Variants in GNE observed in about 807,000 individuals in gnomAD.
The protein encoded by GNE is glucosamine (UDP-N-acetyl)-2-epimerase/N-acetylmannosamine kinase.
GNE carries 41 observed loss-of-function variants against 61.8 expected under a neutral mutation model. The observed-to-expected ratio is 0.66, with a 90% CI of 0.52 to 0.86. The LOEUF (loss-of-function observed/expected upper bound fraction) is 0.86, where lower values mean the gene tolerates loss of function less well. GNE is among the 40% of genes least tolerant of loss of function. The probability of loss-of-function intolerance (pLI) is 0.00; values close to 1 mark genes in which losing one functional copy is unlikely to be tolerated. For synonymous variants in GNE, 264 were observed against 326.4 expected (o/e 0.81, Z 2.06); for missense variants, 608 against 909.1 (o/e 0.67, Z 4.26).
At chr9:36,232,345 C>CCCCCCCA (rs1554660756) in intron 5 of GNE, among the ~76,000 whole-genome samples, 2 of 126,388 alleles carry the variant, frequency 1.6e-5, no homozygotes, top group Non-Finnish European at 3.3e-5. Context: ...CGCCCCCCCT[C>CCCCCCCA]CCGACATTCC....
At chr9:36,231,704 A>G (rs1220599810) in intron 5 of GNE, among the ~76,000 whole-genome samples, 1 of 152,216 alleles carries the variant, frequency 6.6e-6, no homozygotes, top group African/African-American at 2.4e-5. Context: ...CCATCCACTG[A>G]GAAAGAAAGA....
chr9:36,242,183 C>T (rs1829658124), intron 3 of GNE, among the ~76,000 whole-genome samples: 2 of 151,184 alleles, frequency 1.3e-5, no homozygotes, highest in South Asian at 4.2e-4. Flanking sequence ...AAAGAAGTTG[C>T]ATATCAAGAA....
intron 1 of GNE, among the ~76,000 whole-genome samples, chr9:36,270,516 C>CTTTTTT (rs1172459956): frequency 7.6e-6 from 1 of 131,676 alleles, no homozygotes; most frequent in Non-Finnish European, 1.6e-5. Flanking sequence ...GGATTTCTTT[C>CTTTTTT]TTTTTTTTTT....
intron 1 of GNE, chr9:36,265,120 T>C (rs1314898559): frequency 2.1e-5 from 6 of 287,774 alleles, no homozygotes; most frequent in Non-Finnish European, 4.1e-5. Flanking sequence ...CCACTGCTGC[T>C]CCCGATCGGG....
intron 4 of GNE, among the ~76,000 whole-genome samples, chr9:36,236,156 T>A (rs902415873): frequency 1.3e-5 from 2 of 152,162 alleles, no homozygotes; most frequent in African/African-American, 4.8e-5. Flanking sequence ...AGTGGCTATT[T>A]TACTGTGGAT....
At chr9:36,236,004 T>C (rs1829375606) in intron 4 of GNE, among the ~76,000 whole-genome samples, 1 of 152,208 alleles carries the variant, frequency 6.6e-6, no homozygotes, top group Admixed American at 6.5e-5. Flanking sequence ...TACCATCCAC[T>C]GGTAAGCAAG....
At chr9:36,269,061 CG>C (rs1266394477) in intron 1 of GNE, among the ~76,000 whole-genome samples, 6 of 149,184 alleles carry the variant, frequency 4.0e-5, no homozygotes, top group Admixed American at 1.4e-4. Flanking sequence ...ACCTGGAAGT[CG>C]GAGGTTGCAG....
intron 3 of GNE, among the ~76,000 whole-genome samples, chr9:36,244,720 G>A (rs995126195): frequency 1.3e-5 from 2 of 149,784 alleles, no homozygotes; most frequent in Admixed American, 1.3e-4. Flanking sequence ...GGCGGATTAT[G>A]AGGTCAGGAG....
upstream of GNE, among the ~76,000 whole-genome samples, chr9:36,262,745 C>T (rs957548989): frequency 2.0e-5 from 3 of 152,166 alleles, no homozygotes; most frequent in African/African-American, 7.2e-5. Flanking sequence ...AGTGGGAGAC[C>T]TTCCTACAGC....
At chr9:36,261,900 G>A (rs1214421508), upstream of GNE, among the ~76,000 whole-genome samples, 1 of 146,946 alleles carries the variant, frequency 6.8e-6, no homozygotes, top group African/African-American at 2.6e-5. Flanking sequence ...TCCAGCCTGG[G>A]CAACAGAGCG....
chr9:36,224,173 G>A (rs1828747973), intron 7 of GNE, among the ~76,000 whole-genome samples: 1 of 152,070 alleles, frequency 6.6e-6, no homozygotes, highest in African/African-American at 2.4e-5. Context: ...CGGGCATAGT[G>A]GCTCACGCCT....
intron 1 of GNE, chr9:36,265,058 A>G: frequency 3.4e-6 from 1 of 296,828 alleles, no homozygotes; most frequent in South Asian, 3.8e-5. Flanking sequence ...GCTGACTTCC[A>G]CCCCTCCGGA....
At chr9:36,276,704 T>TA (rs1831273331) in intron 1 of GNE, among the ~76,000 whole-genome samples, 1 of 152,196 alleles carries the variant, frequency 6.6e-6, no homozygotes, top group Non-Finnish European at 1.5e-5. Flanking sequence ...TTTGGCACAG[T>TA]AACTGAGAAG....
Position 36,218,708 on chromosome 9 carries a change from C to T in GNE, c.1817-409G>A, listed in dbSNP as rs1332169452. ...CCACGCGTTCTATGGCAGCGAGGCA[C>T]AGTGGCTGAGGAACAGACACAGGCC... On this transcript the variant is annotated intron_variant, in intron 10 of 11. Coordinates refer to ENST00000642385, the MANE Select transcript of GNE (RefSeq NM_005476.7). This position sits in a 1 kb window ranked among gnomAD's most constrained non-coding sequence, Gnocchi z 4.1. 6.6e-6 allele frequency among the ~76,000 whole-genome samples: 1 copy of T among 152,222 alleles called. No individual in the cohort carries two copies. Among genetic ancestry groups the T allele is most frequent in the Non-Finnish European group, 1.5e-5 (1 of 68,026 alleles).
At position 36,257,802 on chromosome 9, in the gene GNE, CAAAAAAAAAAAAAAAAAAAAAA is replaced by C. The variant is rs60845805; in HGVS notation, c.-43+497_-43+518del. 8.0e-3 allele frequency among the ~76,000 whole-genome samples: 202 copies of C among 25,264 alleles called. 1 individual carries two copies. The highest frequency in any genetic ancestry group is 0.025 in the African/African-American group (194 of 7,840). 16.6% of individuals were successfully genotyped at this position (25,264 alleles called of 152,430 possible). On this transcript the variant is annotated intron_variant, in intron 1 of 11. Coordinates refer to ENST00000642385, the MANE Select transcript of GNE (RefSeq NM_005476.7). ...TGGGCGACAGAGCGAGACTCAGTCTCAAAAAAAAAAAAAAAAAAAAAAAAAAAAAAAAAAATTGGGGTGAGGG... is the reference window on the plus strand; with the variant it reads ...TGGGCGACAGAGCGAGACTCAGTCTCAAAAAAAAAAAAATTGGGGTGAGGG...
At chr9:36,235,994 T>C (rs1829374457) in intron 4 of GNE, among the ~76,000 whole-genome samples, 1 of 152,198 alleles carries the variant, frequency 6.6e-6, no homozygotes, top group African/African-American at 2.4e-5. Context: ...AAATCTATAG[T>C]ACCATCCACT....
Position 36,227,313 on chromosome 9 carries a change from T to C in GNE, c.1216A>G (p.Thr406Ala), listed in dbSNP as rs745313374. 6.2e-7 allele frequency: 1 copy of C among 1,613,580 alleles called. No homozygotes were observed. The highest frequency in any genetic ancestry group is 1.3e-5 in the African/African-American group (1 of 74,838). ...ISQDIDHILE[T>A]LSALAVDLGG... ...AGATCAACGGCCAAGGCACTTAGAG[T>C]TTCAAGAATATGGTCAATATCTTGA... Residue 406 changes from threonine to alanine, a missense_variant, in exon 7 of 12, where the codon ACT becomes GCT. Thr to Ala is a moderately conservative substitution (Grantham distance 58). Transcript: ENST00000642385.
At chr9:36,236,467 T>G (rs1000782184) in intron 4 of GNE, among the ~76,000 whole-genome samples, 2 of 152,224 alleles carry the variant, frequency 1.3e-5, no homozygotes, top group African/African-American at 4.8e-5. Flanking sequence ...CCCAAAGTGC[T>G]GGGATTACAG....
chr9:36,223,783 G>T (rs140478304), intron 7 of GNE, among the ~76,000 whole-genome samples: 3 of 149,682 alleles, frequency 2.0e-5, no homozygotes, highest in Non-Finnish European at 4.4e-5. Flanking sequence ...ATGGCCTCTC[G>T]CTCTGTTGCC....
Sources: gnomAD v4.1 joint callset for allele counts (sites outside exome capture counted in the v4.1 genomes callset) on GRCh38, gnomAD v4.1.1 for gene constraint, Gnocchi (gnomAD v3.1) non-coding constraint, MANE v1.5 for transcripts, NCBI Gene and HGNC (gene_info 2026-07-23, HGNC 2026-07-21) for gene names.